The following MCC variants were observed in gnomAD, a reference collection of about 807,000 sequenced individuals.
MCC encodes the protein colorectal mutant cancer protein.
A neutral mutation model predicts 116.2 loss-of-function variants in MCC; 90 were observed. The ratio of observed to expected loss-of-function variants is 0.77; its 90% CI spans 0.65 to 0.92. The LOEUF is 0.92. Ranked by LOEUF, MCC falls within the 40% of genes least tolerant of loss-of-function variation. The pLI, the probability that MCC is intolerant of heterozygous loss-of-function variation, is 0.00. For missense variants in MCC, 1,516 were observed against 1,312.2 expected (o/e 1.16, Z -2.40); for synonymous variants, 578 against 510.5 (o/e 1.13, Z -1.78).
Position 113,062,844 on chromosome 5 carries a change from G to A in MCC, c.2213+1140C>T, listed in dbSNP as rs114069141. Among the ~76,000 whole-genome samples, 1,046 of 152,258 alleles carry A rather than the reference G, an allele frequency of 6.9e-3. 17 individuals carry two copies. Among genetic ancestry groups the A allele is most frequent in the African/African-American group, 0.024 (977 of 41,534 alleles). On this transcript the variant is annotated intron_variant, in intron 14 of 18. Transcript: ENST00000408903. ...AAATGGAAGCGCTAAGGTAGATGGCGGGTCCCACCAGGGGAGAAAGAGAGA... is the reference window on the plus strand; with the variant it reads ...AAATGGAAGCGCTAAGGTAGATGGCAGGTCCCACCAGGGGAGAAAGAGAGA...
intron 3 of MCC, among the ~76,000 whole-genome samples, chr5:113,252,073 A>G (rs1157956235): frequency 1.3e-5 from 2 of 152,162 alleles, no homozygotes; most frequent in African/African-American, 4.8e-5. Flanking sequence ...TTTTCACCAC[A>G]ACCCTATTCC....
chr5:113,231,947 A>G (rs1371050443), intron 3 of MCC, among the ~76,000 whole-genome samples: 1 of 152,116 alleles, frequency 6.6e-6, no homozygotes, highest in African/African-American at 2.4e-5. Flanking sequence ...CTGACAACTT[A>G]CTGACACTAA....
intron 3 of MCC, among the ~76,000 whole-genome samples, chr5:113,318,700 G>C (rs183587194): frequency 6.6e-6 from 1 of 152,062 alleles, no homozygotes; most frequent in Non-Finnish European, 1.5e-5. Context: ...GGTGGGAGGA[G>C]GGAGAGGATC....
intron 3 of MCC, among the ~76,000 whole-genome samples, chr5:113,239,923 C>T (rs1764298749): frequency 6.6e-6 from 1 of 152,162 alleles, no homozygotes; most frequent in Admixed American, 6.5e-5. Flanking sequence ...GTGACTGAGT[C>T]TCCACACAGA....
At chr5:113,248,333 A>G (rs1764653531) in intron 3 of MCC, among the ~76,000 whole-genome samples, 1 of 152,142 alleles carries the variant, frequency 6.6e-6, no homozygotes, top group Non-Finnish European at 1.5e-5. Context: ...AATCAAAGTA[A>G]CAGAACACAG....
chr5:113,243,929 C>G (rs541911890), intron 3 of MCC, among the ~76,000 whole-genome samples: 1 of 152,222 alleles, frequency 6.6e-6, no homozygotes, highest in Non-Finnish European at 1.5e-5. Context: ...ATCCAACACC[C>G]GGCTTGAGCC....
At chr5:113,285,700 C>T (rs186478295) in intron 3 of MCC, among the ~76,000 whole-genome samples, 3 of 152,326 alleles carry the variant, frequency 2.0e-5, no homozygotes, top group Admixed American at 2.0e-4. Context: ...AACAGCATCC[C>T]TCCCCATTTC....
intron 17 of MCC, among the ~76,000 whole-genome samples, chr5:113,030,725 T>A (rs1247986937): frequency 6.6e-6 from 1 of 152,126 alleles, no homozygotes; most frequent in Non-Finnish European, 1.5e-5. Flanking sequence ...GGAGGATATC[T>A]GATACATTAA....
At chr5:113,457,513 A>C (rs956181118) in intron 1 of MCC, among the ~76,000 whole-genome samples, 3 of 152,170 alleles carry the variant, frequency 2.0e-5, no homozygotes, top group African/African-American at 4.8e-5. Context: ...CGATCACCCA[A>C]GCGCTGAGGA....
chr5:113,110,876 A>G (rs1757051092), intron 6 of MCC, among the ~76,000 whole-genome samples: 1 of 152,206 alleles, frequency 6.6e-6, no homozygotes, highest in African/African-American at 2.4e-5. Context: ...CTATCCTTGT[A>G]AAATGAGAAG....
At chr5:113,157,852 T>A (rs755441542) in intron 3 of MCC, among the ~76,000 whole-genome samples, 10 of 152,206 alleles carry the variant, frequency 6.6e-5, no homozygotes, top group Non-Finnish European at 1.3e-4. Flanking sequence ...AGTCAGAGAT[T>A]CAAAATAATT....
intron 1 of MCC, chr5:113,433,523 C>T (rs1210961388): frequency 1.1e-5 from 7 of 634,150 alleles, no homozygotes; most frequent in African/African-American, 3.7e-5. Flanking sequence ...AGGAGTCGCA[C>T]GACTGTCTCA....
chr5:113,327,313 G>A (rs539054112), intron 3 of MCC, among the ~76,000 whole-genome samples: 87 of 151,960 alleles, frequency 5.7e-4, no homozygotes, highest in African/African-American at 1.9e-3. Context: ...TCGGGAGGCC[G>A]AGGCAGGCAG....
intron 1 of MCC, among the ~76,000 whole-genome samples, chr5:113,446,565 G>C (rs572533460): frequency 1.3e-5 from 2 of 152,306 alleles, no homozygotes; most frequent in African/African-American, 4.8e-5. Flanking sequence ...ACACCAGTCA[G>C]AATGGTTATT....
chr5:113,193,898 AT>A (rs1408753896), intron 3 of MCC, among the ~76,000 whole-genome samples: 5 of 152,144 alleles, frequency 3.3e-5, no homozygotes, highest in African/African-American at 1.2e-4. Flanking sequence ...CTGAAGCACA[AT>A]TTGGGTAATA....
chr5:113,113,057 G>A (rs1178756343), intron 6 of MCC, among the ~76,000 whole-genome samples: 4 of 152,208 alleles, frequency 2.6e-5, no homozygotes, highest in Non-Finnish European at 5.9e-5. Context: ...GGCTATAGCA[G>A]GACTGGCCAT....
intron 3 of MCC, among the ~76,000 whole-genome samples, chr5:113,333,793 A>ATATATATGTATATATGTACATATATG (rs1767760632): frequency 1.3e-4 from 7 of 54,810 alleles, no homozygotes; most frequent in South Asian, 1.3e-3. Flanking sequence ...ATATATTTAT[A>ATATATATGTATATATGTACATATATG]TATATATGTA....
intron 1 of MCC, among the ~76,000 whole-genome samples, chr5:113,485,682 T>C (rs1772502252): frequency 6.6e-6 from 1 of 152,150 alleles, no homozygotes; most frequent in Non-Finnish European, 1.5e-5. Context: ...AGAAGGTAGC[T>C]GGGGACTGAC....
At chr5:113,397,840 G>A (rs2150397549) in intron 1 of MCC, among the ~76,000 whole-genome samples, 1 of 152,154 alleles carries the variant, frequency 6.6e-6, no homozygotes, top group Non-Finnish European at 1.5e-5. Flanking sequence ...TTGACAAGTG[G>A]GACCTAATTA....
Sources: gnomAD v4.1 joint callset for allele counts (sites outside exome capture counted in the v4.1 genomes callset) on GRCh38, gnomAD v4.1.1 for gene constraint, MANE v1.5 for transcripts, NCBI Gene and HGNC (gene_info 2026-07-23, HGNC 2026-07-21) for gene names.